The following CASQ2 variants were observed in gnomAD, a reference collection of about 807,000 sequenced individuals.
CASQ2 encodes the protein calsequestrin 2, also known as calsequestrin-2.
CASQ2 carries 49 observed loss-of-function variants against 46.5 expected under a neutral mutation model. The observed-to-expected ratio is 1.05, with a 90% CI of 0.84 to 1.34. The LOEUF is 1.34. Among genes scored for constraint, CASQ2 ranks in the 40% most tolerant of loss-of-function variants. The probability of loss-of-function intolerance (pLI) is 0.00; values close to 1 mark genes in which losing one functional copy is unlikely to be tolerated. For synonymous variants in CASQ2, 174 were observed against 168.5 expected (o/e 1.03, Z -0.25); for missense variants, 486 against 481.3 (o/e 1.01, Z -0.09).
intron 8 of CASQ2, among the ~76,000 whole-genome samples, chr1:115,711,843 C>T (rs1654558256): frequency 1.3e-5 from 2 of 151,912 alleles, no homozygotes; most frequent in Admixed American, 6.6e-5. Flanking sequence ...TTAGTAGAGA[C>T]GGGGTTTCAC....
chr1:115,753,950 T>C (rs1648670437), intron 1 of CASQ2, among the ~76,000 whole-genome samples: 3 of 151,994 alleles, frequency 2.0e-5, no homozygotes, highest in Non-Finnish European at 2.9e-5. Flanking sequence ...CAAGTGAATG[T>C]CCCTCAGGCC....
rs184620728 is a variant in CASQ2 at position 115,705,822 on chromosome 1, C to A, written c.839-530G>T. Reference sequence around the variant, plus strand: ...TAGTAAATGGGGCTTCCCTCCCTCCCTCCCTCCCTATTTCCTTGTATACTG... The same window carrying A: ...TAGTAAATGGGGCTTCCCTCCCTCCATCCCTCCCTATTTCCTTGTATACTG... On this transcript the variant is annotated intron_variant, in intron 8 of 10. Coordinates refer to ENST00000261448, the MANE Select transcript of CASQ2 (RefSeq NM_001232.4). 1.6e-3 allele frequency among the ~76,000 whole-genome samples: 248 copies of A among 152,150 alleles called. 2 individuals are homozygous for A. The highest frequency in any genetic ancestry group is 5.7e-3 in the African/African-American group (236 of 41,524).
intron 1 of CASQ2, among the ~76,000 whole-genome samples, chr1:115,746,154 A>G (rs910304397): frequency 9.2e-6 from 1 of 108,230 alleles, no homozygotes; most frequent in Non-Finnish European, 2.2e-5. Flanking sequence ...GCATGTATCG[A>G]TACGCTGTTT....
At chr1:115,707,836 G>C (rs924484953) in intron 8 of CASQ2, among the ~76,000 whole-genome samples, 1 of 152,362 alleles carries the variant, frequency 6.6e-6, no homozygotes, top group Middle Eastern at 3.4e-3. Context: ...AATTCACAGA[G>C]AGGATGAAAT....
intron 7 of CASQ2, among the ~76,000 whole-genome samples, chr1:115,724,187 T>C (rs1449095778): frequency 1.3e-5 from 2 of 152,236 alleles, no homozygotes; most frequent in Non-Finnish European, 2.9e-5. Context: ...TGGCTCCAGA[T>C]GGCTTATATT....
At chr1:115,733,723 G>A (rs1350643394) in intron 4 of CASQ2, among the ~76,000 whole-genome samples, 1 of 151,914 alleles carries the variant, frequency 6.6e-6, no homozygotes, top group Admixed American at 6.5e-5. Context: ...TGTGGTGGTG[G>A]TGGTGGTGGT....
chr1:115,713,379 G>A (rs1377747080), intron 8 of CASQ2, among the ~76,000 whole-genome samples: 1 of 152,290 alleles, frequency 6.6e-6, no homozygotes, highest in South Asian at 2.1e-4. Context: ...AGCCAGGCCT[G>A]CCTAAGGGCA....
chr1:115,744,275 A>G (rs1410330362), intron 2 of CASQ2, among the ~76,000 whole-genome samples: 1 of 152,190 alleles, frequency 6.6e-6, no homozygotes, highest in African/African-American at 2.4e-5. Flanking sequence ...GACACTAGAG[A>G]GTACAACTTC....
At chr1:115,705,051 G>A in intron 9 of CASQ2, 141 bp downstream of exon 9, 1 of 718,012 alleles carries the variant, frequency 1.4e-6, no homozygotes, top group Non-Finnish European at 2.6e-6. Flanking sequence ...ACTGCCCCAA[G>A]GGCCAAGACC....
intron 10 of CASQ2, among the ~76,000 whole-genome samples, chr1:115,702,129 G>T (rs184897878): frequency 1.3e-5 from 2 of 151,998 alleles, no homozygotes; most frequent in Non-Finnish European, 2.9e-5. Context: ...CACCATGTTG[G>T]CCAGCTGGTC....
In CASQ2 at chr1:115,701,302, T is replaced by A; in HGVS notation, c.1139A>T (p.Asp380Val). The change falls in exon 11 of 11, where the codon GAT becomes GTT. Residue 380 changes from aspartate to valine, a missense_variant. By Grantham distance (152) the Asp-to-Val change is radical. Transcript: ENST00000261448. ...INTEDDDEDD[D>V]DDDNSDEEDN... ...CTCTTCATCAGAATTATCATCATCA[T>A]CATCATCTTCATCATCATCTTCAGT... 1 of 1,594,480 alleles carries A rather than the reference T, an allele frequency of 6.3e-7. No homozygotes were observed.
At chr1:115,764,382 A>C (rs939949562) in intron 1 of CASQ2, among the ~76,000 whole-genome samples, 2 of 152,240 alleles carry the variant, frequency 1.3e-5, no homozygotes, top group African/African-American at 4.8e-5. Context: ...CCAATTGAAA[A>C]ATGTATATTT....
At chr1:115,736,164 G>GAAA (rs61418355) in intron 4 of CASQ2, among the ~76,000 whole-genome samples, 8 of 98,874 alleles carry the variant, frequency 8.1e-5, no homozygotes, top group Non-Finnish European at 1.7e-4. Context: ...ACTCCATCCC[G>GAAA]AAAAAAAAAA....
At chr1:115,752,160 T>C (rs372176525) in intron 1 of CASQ2, among the ~76,000 whole-genome samples, 2 of 152,210 alleles carry the variant, frequency 1.3e-5, no homozygotes, top group East Asian at 1.9e-4. Context: ...TTCCTTGAAG[T>C]CTGCATTTAA....
In CASQ2 at chr1:115,746,905, A is replaced by C. The variant is rs1163952205; in HGVS notation, c.235-1993T>G. On this transcript the variant is annotated intron_variant, in intron 1 of 10. Coordinates refer to ENST00000261448, the MANE Select transcript of CASQ2 (RefSeq NM_001232.4). ...AGCATACCTGTCATTTCAAATATTT[A>C]TCACTTTTTTGTGTTGAGAACATTC... 2.0e-5 allele frequency among the ~76,000 whole-genome samples: 3 copies of C among 152,172 alleles called. No individual in the cohort carries two copies. In the East Asian group the frequency reaches 5.8e-4, roughly 29 times the overall value.
At chr1:115,754,305 G>T (rs986118529) in intron 1 of CASQ2, among the ~76,000 whole-genome samples, 1 of 152,140 alleles carries the variant, frequency 6.6e-6, no homozygotes, top group Non-Finnish European at 1.5e-5. Flanking sequence ...AGAGCCTTCG[G>T]GGAGAGAGAG....
At chr1:115,701,716 G>T (rs1408176992) in intron 10 of CASQ2, among the ~76,000 whole-genome samples, 3 of 152,158 alleles carry the variant, frequency 2.0e-5, no homozygotes, top group African/African-American at 7.2e-5. Context: ...TGAGACTAGG[G>T]GTTGGGTCAG....
At chr1:115,727,566 CA>C (rs1351970422) in intron 5 of CASQ2, among the ~76,000 whole-genome samples, 1 of 152,214 alleles carries the variant, frequency 6.6e-6, no homozygotes, top group African/African-American at 2.4e-5. Context: ...TACTCAGAAT[CA>C]GAACCCAACC....
intron 5 of CASQ2, among the ~76,000 whole-genome samples, chr1:115,731,088 G>A (rs1366127876): frequency 6.6e-6 from 1 of 152,084 alleles, no homozygotes; most frequent in Non-Finnish European, 1.5e-5. Flanking sequence ...TCCCCTCTGT[G>A]TACCTTTGTC....
Sources: allele counts gnomAD v4.1 joint callset (sites outside exome capture counted in the v4.1 genomes callset), GRCh38; gene constraint gnomAD v4.1.1; transcripts MANE v1.5; gene names NCBI Gene and HGNC (gene_info 2026-07-23, HGNC 2026-07-21).